Variants in MAP1S observed in about 807,000 individuals in gnomAD.
The protein encoded by MAP1S is microtubule associated protein 1S, also known as microtubule-associated protein 1S.
In MAP1S, 27 loss-of-function variants were observed where a neutral mutation model predicts 60.9. The observed-to-expected ratio is 0.44, with a 90% confidence interval of 0.33 to 0.61. The LOEUF (loss-of-function observed/expected upper bound fraction) is 0.61, where lower values mean the gene tolerates loss of function less well. MAP1S is among the 20% of genes least tolerant of loss of function. MAP1S has a pLI of 0.03. For missense variants in MAP1S, 1,608 were observed against 1,486.6 expected (o/e 1.08, Z -1.34); for synonymous variants, 826 against 694.2 (o/e 1.19, Z -2.98).
rs536023599 is a variant in MAP1S at position 17,727,166 on chromosome 19, C to A, written c.1782C>A (p.Pro594=). ...TCCGATGTGGAGAAGCCAGCCCCCC[C>A]AGTGCAGCCTGCGGCTCTCCGGCCT... ...PSLRCGEASP[P]SAACGSPASQ... Residue 594 remains proline, a synonymous_variant, in exon 5 of 7, where the codon CCC becomes CCA. Coordinates refer to ENST00000324096, the MANE Select transcript of MAP1S (RefSeq NM_018174.6). The surrounding 1 kb of genome is among the most constrained non-coding windows in gnomAD (Gnocchi z 4.1). 3.0e-5 allele frequency: 47 copies of A among 1,587,358 alleles called. No individual in the cohort carries two copies. In the South Asian group the frequency reaches 3.6e-4, roughly 12 times the overall value.
chr19:17,721,632 G>A (rs527619250), intron 2 of MAP1S, among the ~76,000 whole-genome samples: 3 of 152,240 alleles, frequency 2.0e-5, no homozygotes, highest in African/African-American at 4.8e-5. Flanking sequence ...CTGAGACTGC[G>A]CCACTGCACT....
At position 17,726,882 on chromosome 19, in the gene MAP1S, G is replaced by A. The variant is rs114888305; in HGVS notation, c.1498G>A (p.Gly500Arg). 1.9e-6 allele frequency: 3 copies of A among 1,556,974 alleles called. No homozygotes were observed. The highest frequency in any genetic ancestry group is 2.4e-5 in the East Asian group (1 of 41,556). ...CCCTAGACCTGGCCAGGAGCGCCCT[G>A]GGGTGGCCCGCAAGGAGCCAGCACG... ...THPRPGQERP[G>R]VARKEPARAE... The change falls in exon 5 of 7, where the codon GGG (glycine) becomes AGG (arginine). Residue 500 changes from glycine (G) to arginine (R), a missense_variant. Physicochemically the swap from Gly to Arg is moderately radical, Grantham distance 125. This residue lies in a region of MAP1S where 1,167 missense variants were observed against 961.4 expected (regional missense o/e 1.21). Coordinates refer to ENST00000324096, the MANE Select transcript of MAP1S (RefSeq NM_018174.6).
intron 6 of MAP1S, among the ~76,000 whole-genome samples, chr19:17,733,695 C>G (rs564467939): frequency 6.6e-6 from 1 of 152,212 alleles, no homozygotes; most frequent in Non-Finnish European, 1.5e-5. Flanking sequence ...GACACCTTGT[C>G]ACTTAGCCAT....
At position 17,726,056 on chromosome 19, in the gene MAP1S, C is replaced by A; in HGVS notation, c.672C>A (p.Phe224Leu). The A allele has an allele frequency of 6.2e-7, 1 of 1,613,564 alleles. No individual in the cohort carries two copies. Among genetic ancestry groups the A allele is most frequent in the Non-Finnish European group, 8.5e-7 (1 of 1,179,870 alleles). The change falls in exon 5 of 7, where the codon TTC (phenylalanine) becomes TTA (leucine). Residue 224 changes from phenylalanine (F) to leucine (L), a missense_variant. Around this residue, in one of 4 missense-constraint regions of MAP1S, gnomAD observed 320 missense variants for 393.1 expected, o/e 0.81. Transcript: ENST00000324096. ...VAESLEPPSP[F>L]ELLEPPTSGG... ...AGTCTCTGGAGCCACCGTCCCCCTT[C>A]GAGCTGCTGGAGCCCCCGACCTCCG... is the stretch of plus-strand genomic sequence containing the variant.
At position 17,725,957 on chromosome 19, in the gene MAP1S, C is replaced by T. The variant is rs2080414427; in HGVS notation, c.573C>T (p.Leu191=). Residue 191 remains leucine, a synonymous_variant, in exon 5 of 7, where the codon CTC becomes CTT. Transcript: ENST00000324096. This position sits in a 1 kb window ranked among gnomAD's most constrained non-coding sequence, Gnocchi z 4.2. The part of the protein sequence containing the change: ...AVPGLQGALR[L]QLRLNPPAQL... ...CTGGCCTTCAGGGGGCGCTCCGGCT[C>T]CAGCTGCGGCTGAACCCCCCGGCGC... 1 of 1,612,772 alleles carries T rather than the reference C, an allele frequency of 6.2e-7. No homozygotes were observed. Among genetic ancestry groups the T allele is most frequent in the African/African-American group, 1.3e-5 (1 of 74,886 alleles).
rs757390163 is a variant in MAP1S, at chr19:17,726,863, A to T, written c.1479A>T (p.Arg493Ser). 34 of 1,554,838 alleles carry T rather than the reference A, an allele frequency of 2.2e-5. No homozygotes were observed. The highest frequency in any genetic ancestry group is 2.9e-5 in the Non-Finnish European group (33 of 1,149,776). Reference sequence around the variant, plus strand: ...AGGGCCTCCTGGCCACCCACCCTAGACCTGGCCAGGAGCGCCCTGGGGTGG... The same window carrying T: ...AGGGCCTCCTGGCCACCCACCCTAGTCCTGGCCAGGAGCGCCCTGGGGTGG... ...KREGLLATHP[R>S]PGQERPGVAR... Residue 493 changes from arginine (R) to serine (S), a missense_variant, in exon 5 of 7, where the codon AGA becomes AGT. Coordinates refer to ENST00000324096, the MANE Select transcript of MAP1S (RefSeq NM_018174.6).
chr19:17,727,444 G>C lies in MAP1S; in HGVS notation c.2060G>C (p.Gly687Ala). 6.2e-7 allele frequency: 1 copy of C among 1,603,346 alleles called. No individual in the cohort carries two copies. The highest frequency in any genetic ancestry group is 8.5e-7 in the Non-Finnish European group (1 of 1,175,566). Residue 687 changes from glycine to alanine, a missense_variant, in exon 5 of 7, where the codon GGC becomes GCC. By Grantham distance (60) the Gly-to-Ala change is moderately conservative. Coordinates refer to ENST00000324096, the MANE Select transcript of MAP1S (RefSeq NM_018174.6). This position sits in a 1 kb window ranked among gnomAD's most constrained non-coding sequence, Gnocchi z 4.1. Reference sequence around the variant, plus strand: ...ACGCCCTCACTACCCGCAGAGGTGGGCTCCCCGCACTCGACCGAGGTGGAC... The same window carrying C: ...ACGCCCTCACTACCCGCAGAGGTGGCCTCCCCGCACTCGACCGAGGTGGAC... ...VTTPSLPAEV[G>A]SPHSTEVDES...
At chr19:17,723,903 C>T (rs1455065029) in intron 2 of MAP1S, among the ~76,000 whole-genome samples, 3 of 152,190 alleles carry the variant, frequency 2.0e-5, no homozygotes, top group Non-Finnish European at 4.4e-5. Flanking sequence ...GTGACAGCTG[C>T]AAACCAGGCC....
chr19:17,728,058 G>A lies in MAP1S; in HGVS notation c.2674G>A (p.Gly892Arg), dbSNP rs1006943783. 4 of 1,612,450 alleles carry A rather than the reference G, an allele frequency of 2.5e-6. No individual in the cohort carries two copies. The highest frequency in any genetic ancestry group is 3.4e-6 in the Non-Finnish European group (4 of 1,179,836). Residue 892 changes from glycine to arginine, a missense_variant, in exon 5 of 7, where the codon GGG becomes AGG. Around this residue, in one of 4 missense-constraint regions of MAP1S, gnomAD observed 1,167 missense variants for 961.4 expected, o/e 1.21. Coordinates refer to ENST00000324096, the MANE Select transcript of MAP1S (RefSeq NM_018174.6). ...AAAKTKGLAG[G>R]DRASRPLSAR... The stretch of plus-strand genomic sequence containing the variant: ...TGCCAAAACCAAGGGGCTTGCTGGT[G>A]GGGACCGTGCCAGCCGACCACTCAG...
At chr19:17,728,205 TAGC>T in intron 5 of MAP1S, 33 bp downstream of exon 5, 1 of 1,532,016 alleles carries the variant, frequency 6.5e-7, no homozygotes, top group South Asian at 1.3e-5. Flanking sequence ...TGGGCTGGGT[TAGC>T]AGCTGCTTAG....
intron 1 of MAP1S, chr19:17,720,565 G>T (rs551718701): frequency 3.3e-5 from 47 of 1,430,276 alleles, no homozygotes; most frequent in Middle Eastern, 2.2e-4. Context: ...TGCTGAGGGG[G>T]AAGGGCCCCC....
chr19:17,728,558 CTT>C (rs968904998), intron 5 of MAP1S, among the ~76,000 whole-genome samples: 9 of 142,630 alleles, frequency 6.3e-5, no homozygotes, highest in Admixed American at 1.4e-4. Context: ...CAGTTCTGTT[CTT>C]TTTTTTTTTT....
chr19:17,730,233 A>T (rs1282049997), intron 5 of MAP1S, among the ~76,000 whole-genome samples: 1 of 152,164 alleles, frequency 6.6e-6, no homozygotes, highest in African/African-American at 2.4e-5. Context: ...ATGATTAGTG[A>T]TGTTGCATCT....
In MAP1S at chr19:17,727,018, C is replaced by T. The variant is rs769552097; in HGVS notation, c.1634C>T (p.Ala545Val). ...CAGCCGCGGGAGGTGCGCCGGGCAG[C>T]CTCTTCTGTGCCCAACCTCAAGAAG... is the stretch of plus-strand genomic sequence containing the variant. ...RTQPREVRRA[A>V]SSVPNLKKTN... The change falls in exon 5 of 7, where the codon GCC (alanine) becomes GTC (valine). Residue 545 changes from alanine (A) to valine (V), a missense_variant. Ala to Val is a moderately conservative substitution (Grantham distance 64). Coordinates refer to ENST00000324096, the MANE Select transcript of MAP1S (RefSeq NM_018174.6). The surrounding 1 kb of genome is among the most constrained non-coding windows in gnomAD (Gnocchi z 4.1). 1 of 1,595,702 alleles carries T rather than the reference C, an allele frequency of 6.3e-7. No homozygotes were observed. Among genetic ancestry groups the T allele is most frequent in the African/African-American group, 1.3e-5 (1 of 74,620 alleles).
Position 17,728,191 on chromosome 19 carries a change from G to T in MAP1S, c.2788+19G>T, listed in dbSNP as rs754305397. On this transcript the variant is annotated intron_variant, in intron 5 of 6. Transcript: ENST00000324096. ...CCGTCGGGTGAGTACTGGAGCTGGGGCCCTGGGCTGGGTTAGCAGCTGCTT... is the reference window on the plus strand; with the variant it reads ...CCGTCGGGTGAGTACTGGAGCTGGGTCCCTGGGCTGGGTTAGCAGCTGCTT... 1.3e-6 allele frequency: 2 copies of T among 1,547,068 alleles called. No individual in the cohort carries two copies. Among genetic ancestry groups the T allele is most frequent in the Non-Finnish European group, 1.7e-6 (2 of 1,145,226 alleles).
intron 5 of MAP1S, among the ~76,000 whole-genome samples, chr19:17,730,254 C>T (rs745737305): frequency 6.6e-6 from 1 of 152,148 alleles, no homozygotes; most frequent in Non-Finnish European, 1.5e-5. Flanking sequence ...TTTCATATGC[C>T]TATTGGCCAT....
At chr19:17,732,844 C>G (rs2080503560) in intron 5 of MAP1S, among the ~76,000 whole-genome samples, 1 of 152,146 alleles carries the variant, frequency 6.6e-6, no homozygotes, top group Non-Finnish European at 1.5e-5. Context: ...GGGGATGAGT[C>G]AGGCTCTAGG....
chr19:17,730,504 T>C (rs7258068), intron 5 of MAP1S, among the ~76,000 whole-genome samples: 79,886 of 151,980 alleles, frequency 0.53, 22,269 homozygotes, highest in African/African-American at 0.67. Flanking sequence ...TTTGTAGAGA[T>C]GGAGTCTCAC....
intron 2 of MAP1S, among the ~76,000 whole-genome samples, chr19:17,723,841 C>T (rs761259147): frequency 5.3e-5 from 8 of 152,078 alleles, no homozygotes; most frequent in Non-Finnish European, 8.8e-5. Context: ...GGCGACAGAG[C>T]GAGACTCCGT....
Sources: allele counts gnomAD v4.1 joint callset (sites outside exome capture counted in the v4.1 genomes callset), GRCh38; gene constraint gnomAD v4.1.1; regional missense constraint gnomAD v4.1.1; non-coding constraint Gnocchi (gnomAD v3.1); transcripts MANE v1.5; gene names NCBI Gene and HGNC (gene_info 2026-07-23, HGNC 2026-07-21).